The following HS6ST3 variants were observed in gnomAD, a reference collection of about 807,000 sequenced individuals.
HS6ST3 encodes heparan sulfate 6-O-sulfotransferase 3, also known as heparan-sulfate 6-O-sulfotransferase 3.
In HS6ST3, 12 loss-of-function variants were observed where a neutral mutation model predicts 36.7. The ratio of observed to expected loss-of-function variants is 0.33; its 90% CI spans 0.21 to 0.53. The LOEUF (loss-of-function observed/expected upper bound fraction) is 0.53, where lower values mean the gene tolerates loss of function less well. HS6ST3 is among the 20% of genes least tolerant of loss of function. The pLI, the probability that HS6ST3 is intolerant of heterozygous loss-of-function variation, is 0.95. For missense variants in HS6ST3, 584 were observed against 640.9 expected (o/e 0.91, Z 0.96); for synonymous variants, 240 against 257.5 (o/e 0.93, Z 0.65).
At chr13:96,286,228 G>A (rs563529427) in intron 1 of HS6ST3, among the ~76,000 whole-genome samples, 7 of 151,996 alleles carry the variant, frequency 4.6e-5, no homozygotes, top group East Asian at 1.9e-4. Flanking sequence ...TAGGCAGTTC[G>A]TTCTCCCCTT....
chr13:96,804,204 A>G (rs1020441106), intron 1 of HS6ST3, among the ~76,000 whole-genome samples: 2 of 152,136 alleles, frequency 1.3e-5, no homozygotes, highest in African/African-American at 4.8e-5. Context: ...GAAGGCCAGA[A>G]TTGGGAACGG....
At chr13:96,135,848 T>A (rs1407909472) in intron 1 of HS6ST3, among the ~76,000 whole-genome samples, 2 of 151,638 alleles carry the variant, frequency 1.3e-5, no homozygotes, top group Non-Finnish European at 2.9e-5. Context: ...CTACCACTTA[T>A]AAAAAGCATG....
intron 1 of HS6ST3, among the ~76,000 whole-genome samples, chr13:96,609,193 A>T (rs186265831): frequency 1.3e-5 from 2 of 152,040 alleles, no homozygotes; most frequent in Admixed American, 1.3e-4. Context: ...GATGGTCTCG[A>T]TCTCCTGACC....
intron 1 of HS6ST3, among the ~76,000 whole-genome samples, chr13:96,113,201 G>A (rs2053878908): frequency 1.3e-5 from 2 of 152,134 alleles, no homozygotes; most frequent in South Asian, 2.1e-4. Context: ...TTAAGGAGGT[G>A]TTTACAATAA....
chr13:96,565,159 G>A (rs2056276401), intron 1 of HS6ST3, among the ~76,000 whole-genome samples: 1 of 151,904 alleles, frequency 6.6e-6, no homozygotes, highest in African/African-American at 2.4e-5. Flanking sequence ...GAATTAATGG[G>A]GCATTAACCC....
At chr13:96,539,040 T>C (rs1422967718) in intron 1 of HS6ST3, among the ~76,000 whole-genome samples, 1 of 152,146 alleles carries the variant, frequency 6.6e-6, no homozygotes, top group Non-Finnish European at 1.5e-5. Context: ...CTAGGCGTAG[T>C]AGTGGCTTAC....
At chr13:96,464,138 C>CAAAAA (rs67305199) in intron 1 of HS6ST3, among the ~76,000 whole-genome samples, 1,491 of 38,762 alleles carry the variant, frequency 0.038, 168 homozygotes, top group Non-Finnish European at 0.054. Flanking sequence ...TGTCAGGCCT[C>CAAAAA]AAAAAAAAAA....
At chr13:96,209,046 G>T (rs956849784) in intron 1 of HS6ST3, among the ~76,000 whole-genome samples, 12 of 152,276 alleles carry the variant, frequency 7.9e-5, no homozygotes, top group African/African-American at 2.9e-4. Flanking sequence ...TTCGGATTTT[G>T]AATTTGGCTT....
At chr13:96,702,815 A>G (rs1457155303) in intron 1 of HS6ST3, among the ~76,000 whole-genome samples, 1 of 152,240 alleles carries the variant, frequency 6.6e-6, no homozygotes, top group Non-Finnish European at 1.5e-5. Flanking sequence ...TATTAGCTGG[A>G]CACGAGTAAA....
At chr13:96,815,238 T>C (rs905044293) in intron 1 of HS6ST3, among the ~76,000 whole-genome samples, 20 of 152,318 alleles carry the variant, frequency 1.3e-4, no homozygotes, top group African/African-American at 4.6e-4. Flanking sequence ...TTTTGCCTTG[T>C]AGATGGGGTT....
At chr13:96,274,419 C>T (rs939312483) in intron 1 of HS6ST3, among the ~76,000 whole-genome samples, 2 of 152,008 alleles carry the variant, frequency 1.3e-5, no homozygotes, top group African/African-American at 4.8e-5. Flanking sequence ...GGATCACCTT[C>T]AAGAAGAAGG....
intron 1 of HS6ST3, among the ~76,000 whole-genome samples, chr13:96,114,794 G>GC (rs1441789590): frequency 2.0e-5 from 3 of 152,170 alleles, no homozygotes; most frequent in Non-Finnish European, 4.4e-5. Flanking sequence ...AAAACACCAT[G>GC]CCCCCAGGCC....
intron 1 of HS6ST3, among the ~76,000 whole-genome samples, chr13:96,717,847 A>G (rs189161502): frequency 5.3e-5 from 8 of 152,318 alleles, no homozygotes; most frequent in Non-Finnish European, 5.9e-5. Context: ...GCAGTTGCAC[A>G]TATGTGTGGG....
intron 1 of HS6ST3, among the ~76,000 whole-genome samples, chr13:96,320,263 G>C (rs531922036): frequency 6.6e-6 from 1 of 151,974 alleles, no homozygotes; most frequent in African/African-American, 2.4e-5. Context: ...CCCCCCTTTG[G>C]ATTCTGAAAT....
chr13:96,613,708 T>G (rs1395184206), intron 1 of HS6ST3, among the ~76,000 whole-genome samples: 1 of 152,216 alleles, frequency 6.6e-6, no homozygotes, highest in Non-Finnish European at 1.5e-5. Context: ...CCTTTTCTAT[T>G]AAAACACTGC....
At chr13:96,468,469 TACACACATACACACACACACACAC>T (rs2055824860) in intron 1 of HS6ST3, among the ~76,000 whole-genome samples, 2 of 46,152 alleles carry the variant, frequency 4.3e-5, no homozygotes. Context: ...TAACAGGACA[TACACACATACACACACACACACAC>T]ACACACACAC....
intron 1 of HS6ST3, among the ~76,000 whole-genome samples, chr13:96,342,770 C>T (rs574472200): frequency 1.3e-5 from 2 of 152,334 alleles, no homozygotes; most frequent in Middle Eastern, 6.8e-3. Flanking sequence ...GGAAGCCACG[C>T]TGTGTCAAGT....
At chr13:96,127,597 G>A (rs2053957955) in intron 1 of HS6ST3, among the ~76,000 whole-genome samples, 1 of 152,146 alleles carries the variant, frequency 6.6e-6, no homozygotes, top group African/African-American at 2.4e-5. Flanking sequence ...ATTAATTTCT[G>A]GTTGGAGCCG....
chr13:96,590,129 G>A (rs1270938383), intron 1 of HS6ST3, among the ~76,000 whole-genome samples: 2 of 152,084 alleles, frequency 1.3e-5, no homozygotes, highest in Non-Finnish European at 2.9e-5. Context: ...AATGTGAATA[G>A]AATAGTGCTA....
Sources: allele counts gnomAD v4.1 joint callset (sites outside exome capture counted in the v4.1 genomes callset), GRCh38; gene constraint gnomAD v4.1.1; transcripts MANE v1.5; gene names NCBI Gene and HGNC (gene_info 2026-07-23, HGNC 2026-07-21).